INTS6: variants seen among roughly 807,000 people sequenced by gnomAD.
The protein encoded by INTS6 is DEAD box protein.
In INTS6, 16 loss-of-function variants were observed where a neutral mutation model predicts 104.9. The ratio of observed to expected loss-of-function variants is 0.15; its 90% CI spans 0.10 to 0.23. The LOEUF (loss-of-function observed/expected upper bound fraction) is 0.23. Ranked by LOEUF, INTS6 falls within the 10% of genes least tolerant of loss-of-function variation. The pLI is 1.00. For missense variants in INTS6, 584 were observed against 1,062.8 expected (o/e 0.55, Z 6.26); for synonymous variants, 324 against 358.7 (o/e 0.90, Z 1.09).
downstream of INTS6, among the ~76,000 whole-genome samples, chr13:51,357,587 C>T (rs1025483839): frequency 6.6e-5 from 10 of 152,248 alleles, no homozygotes; most frequent in African/African-American, 2.2e-4. Flanking sequence ...TCTCTTCCTT[C>T]TTGGCATCAA....
the INTS6 span, chr13:51,339,362 A>G: frequency 6.6e-6 from 1 of 152,246 alleles, no homozygotes; most frequent in African/African-American, 2.4e-5. Flanking sequence ...CCCAACAAGC[A>G]AAGTTATCAG....
intron 3 of INTS6, among the ~76,000 whole-genome samples, chr13:51,355,543 A>T (rs56233603): frequency 0.05 from 7,645 of 151,856 alleles, 488 homozygotes; most frequent in African/African-American, 0.15. Flanking sequence ...CCTCCTTCCC[A>T]ATACCTTCTC....
At chr13:51,439,403 TGTAAGGTTTTTTAAGTTATA>T (rs1343508270) in intron 3 of INTS6, 1 of 152,332 alleles carries the variant, frequency 6.6e-6, no homozygotes, top group African/African-American at 2.4e-5. Context: ...TCCTCTTAAC[TGTAAGGTTTTTTAAGTTATA>T]GTACTTTTCA....
At chr13:51,424,012 G>A (rs1326788387) in intron 4 of INTS6, among the ~76,000 whole-genome samples, 1 of 151,946 alleles carries the variant, frequency 6.6e-6, no homozygotes, top group Non-Finnish European at 1.5e-5. Flanking sequence ...ATTCTATAAG[G>A]CACACCAGGT....
intron 4 of INTS6, among the ~76,000 whole-genome samples, chr13:51,429,785 A>AAAAAAAAATATAT (rs1156333077): frequency 7.6e-5 from 7 of 92,354 alleles, no homozygotes; most frequent in African/African-American, 3.2e-4. Flanking sequence ...AAAAAAAAAA[A>AAAAAAAAATATAT]ATATATATAT....
the INTS6 span, among the ~76,000 whole-genome samples, chr13:51,336,349 T>C: frequency 6.6e-6 from 1 of 151,994 alleles, no homozygotes; most frequent in Non-Finnish European, 1.5e-5. Context: ...TAGCCAGGCA[T>C]GGTGGCAGCC....
downstream of INTS6, among the ~76,000 whole-genome samples, chr13:51,350,478 C>G (rs972579920): frequency 1.3e-5 from 2 of 152,020 alleles, no homozygotes; most frequent in Admixed American, 1.3e-4. Context: ...ACATAGAAGG[C>G]TGAGCATGAG....
the INTS6 span, chr13:51,344,364 GTC>G: frequency 6.2e-7 from 1 of 1,613,690 alleles, no homozygotes; most frequent in Non-Finnish European, 8.5e-7. Context: ...GAACGCCACT[GTC>G]CCCCTGCTTT....
At chr13:51,435,102 G>A (rs928038425) in intron 3 of INTS6, among the ~76,000 whole-genome samples, 19 of 151,848 alleles carry the variant, frequency 1.3e-4, no homozygotes, top group Admixed American at 1.2e-3. Flanking sequence ...AAAGTTATAA[G>A]TAGCCTTTAT....
chr13:51,441,614 T>C (rs896491035), intron 3 of INTS6: 7 of 152,282 alleles, frequency 4.6e-5, no homozygotes, highest in East Asian at 1.9e-4. Flanking sequence ...CTAATACTGG[T>C]TGGCATACTA....
intron 4 of INTS6, among the ~76,000 whole-genome samples, chr13:51,398,055 T>C (rs1956372523): frequency 6.6e-6 from 1 of 152,178 alleles, no homozygotes; most frequent in African/African-American, 2.4e-5. Flanking sequence ...CTATTGCTTC[T>C]CATTTCTCCC....
the INTS6 span, among the ~76,000 whole-genome samples, chr13:51,340,498 G>C: frequency 3.6e-4 from 54 of 152,098 alleles, no homozygotes; most frequent in Admixed American, 5.2e-4. Flanking sequence ...TAGAAGACCA[G>C]GATTTGAGTC....
At chr13:51,427,093 A>G (rs1258551387) in intron 4 of INTS6, among the ~76,000 whole-genome samples, 1 of 152,150 alleles carries the variant, frequency 6.6e-6, no homozygotes, top group African/African-American at 2.4e-5. Context: ...GCACCAACAG[A>G]ACAGATATAA....
intron 3 of INTS6, chr13:51,441,762 G>T (rs1342569889): frequency 6.6e-6 from 1 of 151,244 alleles, no homozygotes; most frequent in Non-Finnish European, 1.5e-5. Flanking sequence ...AGGCCTTAAA[G>T]TAATTACAGT....
At chr13:51,343,648 G>A in the INTS6 span, among the ~76,000 whole-genome samples, 3 of 152,214 alleles carry the variant, frequency 2.0e-5, no homozygotes, top group African/African-American at 2.4e-5. Context: ...TTAGGGAAAC[G>A]GGGGATGGGA....
intron 10 of INTS6, 25 bp downstream of exon 10, chr13:51,382,004 A>T: frequency 6.5e-7 from 1 of 1,536,908 alleles, no homozygotes; most frequent in Non-Finnish European, 9.0e-7. Context: ...CCCGGCCAAC[A>T]AGTTCTTTTA....
chr13:51,384,664 T>C (rs1342699586), intron 7 of INTS6: 1 of 456,726 alleles, frequency 2.2e-6, no homozygotes, highest in Middle Eastern at 3.3e-4. Flanking sequence ...CCGTTATTCT[T>C]GATATCTTCC....
chr13:51,397,159 C>T (rs1310064535), intron 4 of INTS6, among the ~76,000 whole-genome samples: 2 of 152,106 alleles, frequency 1.3e-5, no homozygotes, highest in African/African-American at 4.8e-5. Flanking sequence ...CTTTCTAAAT[C>T]TCACACAGAG....
downstream of INTS6, among the ~76,000 whole-genome samples, chr13:51,352,249 T>A (rs183553247): frequency 3.3e-5 from 5 of 152,252 alleles, no homozygotes; most frequent in African/African-American, 1.2e-4. Context: ...ACTCAGAATA[T>A]CTTTCCTTCC....
Sources: allele counts gnomAD v4.1 joint callset (sites outside exome capture counted in the v4.1 genomes callset), GRCh38; gene constraint gnomAD v4.1.1; transcripts MANE v1.5; gene names NCBI Gene and HGNC (gene_info 2026-07-23, HGNC 2026-07-21).